Variants in DRC1 observed in about 807,000 individuals in gnomAD.
DRC1 encodes dynein regulatory complex protein 1.
DRC1 carries 74 observed loss-of-function variants against 98.7 expected under a neutral mutation model. The ratio of observed to expected loss-of-function variants is 0.75; its 90% CI spans 0.62 to 0.91. The LOEUF (loss-of-function observed/expected upper bound fraction) is 0.91. Ranked by LOEUF, DRC1 falls within the 40% of genes least tolerant of loss-of-function variation. The pLI is 0.00. For synonymous variants in DRC1, 336 were observed against 334.1 expected, an observed-to-expected ratio of 1.01 and a Z score of -0.06; for missense variants, 875 against 886.0, an observed-to-expected ratio of 0.99 and a Z score of 0.16.
intron 3 of DRC1, among the ~76,000 whole-genome samples, 189 bp from the exon 4 acceptor site, chr2:26,424,082 C>A (rs1663220327): frequency 6.6e-6 from 1 of 152,042 alleles, no homozygotes. Context: ...CTTTACTTGG[C>A]CTAAGTTATT....
intron 7 of DRC1, among the ~76,000 whole-genome samples, chr2:26,434,465 C>A (rs1663519160): frequency 6.6e-6 from 1 of 152,128 alleles, no homozygotes; most frequent in Non-Finnish European, 1.5e-5. Context: ...GGGGCTGTTA[C>A]CTTTAAAACC....
At chr2:26,438,545 C>T (rs1202509970) in intron 7 of DRC1, among the ~76,000 whole-genome samples, 1 of 152,126 alleles carries the variant, frequency 6.6e-6, no homozygotes, top group Non-Finnish European at 1.5e-5. Flanking sequence ...CTGAAGGAGA[C>T]ATTCAAATAC....
chr2:26,451,323 C>A (rs1664002524), intron 13 of DRC1, among the ~76,000 whole-genome samples: 1 of 152,164 alleles, frequency 6.6e-6, no homozygotes. Context: ...TTAACACTTT[C>A]CCGCAAGGCA....
At chr2:26,409,114 T>A (rs1320048904) in intron 1 of DRC1, among the ~76,000 whole-genome samples, 6 of 151,328 alleles carry the variant, frequency 4.0e-5, no homozygotes, top group Admixed American at 4.0e-4. Context: ...TTTTTTTTTT[T>A]AGAGATGGAG....
chr2:26,418,540 T>TTA (rs1476546453), intron 2 of DRC1, among the ~76,000 whole-genome samples: 19 of 115,038 alleles, frequency 1.7e-4, no homozygotes, highest in Non-Finnish European at 2.5e-4. Context: ...ATACAATATA[T>TTA]TATAAATTAT....
In DRC1 at chr2:26,454,837, G is replaced by A. The variant is rs1664100838; in HGVS notation, c.2063+47G>A. ...CAGGAGGGTGCTGGCGGGCAGGTGA[G>A]GAACGGTTGTTGGGAGCAGCCGCGT... On this transcript the variant is annotated intron_variant, in intron 15 of 16. Coordinates refer to ENST00000288710, the MANE Select transcript of DRC1 (RefSeq NM_145038.5). This position sits in a 1 kb window ranked among gnomAD's most constrained non-coding sequence, Gnocchi z 5.2. 14 of 1,611,750 alleles carry A rather than the reference G, an allele frequency of 8.7e-6. No individual in the cohort carries two copies. The highest frequency in any genetic ancestry group is 1.0e-5 in the Non-Finnish European group (12 of 1,178,596).
chr2:26,452,839 A>G (rs1009696579), intron 13 of DRC1, among the ~76,000 whole-genome samples: 1 of 152,190 alleles, frequency 6.6e-6, no homozygotes, highest in South Asian at 2.1e-4. Flanking sequence ...GGAGGAGTAT[A>G]TATGGAAAGG....
At chr2:26,410,677 C>T (rs1259042707) in intron 1 of DRC1, among the ~76,000 whole-genome samples, 4 of 152,130 alleles carry the variant, frequency 2.6e-5, no homozygotes, top group Non-Finnish European at 5.9e-5. Context: ...GAACATGTCT[C>T]AGACCTGAAG....
intron 8 of DRC1, among the ~76,000 whole-genome samples, chr2:26,443,680 T>A (rs1356357475): frequency 1.3e-5 from 2 of 152,264 alleles, no homozygotes; most frequent in African/African-American, 4.8e-5. Flanking sequence ...ATTTCATGTT[T>A]GTTTAATGAA....
intron 7 of DRC1, among the ~76,000 whole-genome samples, chr2:26,432,877 C>T (rs6730761): frequency 0.81 from 123,108 of 152,184 alleles, 51,465 homozygotes; most frequent in Non-Finnish European, 0.92. Flanking sequence ...ATCTAGTACA[C>T]GATAAACCCT....
At chr2:26,407,455 A>G (rs1283590663) in intron 1 of DRC1, among the ~76,000 whole-genome samples, 2 of 152,188 alleles carry the variant, frequency 1.3e-5, no homozygotes, top group Admixed American at 6.5e-5. Context: ...AAAAAATCCT[A>G]TGGCCCTTCC....
At chr2:26,429,426 G>A (rs1360964854) in intron 4 of DRC1, among the ~76,000 whole-genome samples, 14 of 151,774 alleles carry the variant, frequency 9.2e-5, no homozygotes, top group Admixed American at 8.5e-4. Flanking sequence ...CATACTACCC[G>A]GGCTGGTCTC....
chr2:26,429,670 A>T lies in DRC1; in HGVS notation c.583A>T (p.Lys195Ter). ...KDDQYVKDLKKQSDDICLLLE... is the reference protein window; with the variant it reads ...KDDQYVKDLK Reference sequence around the variant, plus strand: ...TGACCAGTATGTGAAGGATTTGAAGAAACAGTCAGATGACATCTGCCTGCT... The same window carrying T: ...TGACCAGTATGTGAAGGATTTGAAGTAACAGTCAGATGACATCTGCCTGCT... The change falls in exon 5 of 17, where the codon AAA becomes TAA. Residue 195 changes from lysine to a stop codon, truncating the protein, a stop_gained. Transcript: ENST00000288710. LOFTEE classifies it high-confidence loss of function. 1.9e-6 allele frequency: 3 copies of T among 1,614,180 alleles called. No individual in the cohort carries two copies. Among genetic ancestry groups the T allele is most frequent in the Non-Finnish European group, 2.5e-6 (3 of 1,180,024 alleles).
chr2:26,440,248 T>C (rs1203566057), intron 7 of DRC1, 130 bp from the exon 8 acceptor site: 3 of 1,191,284 alleles, frequency 2.5e-6, no homozygotes, highest in South Asian at 3.4e-5. Context: ...ATATAAAGCA[T>C]GTTCCCCAAA....
At position 26,448,739 on chromosome 2, in the gene DRC1, A is replaced by T; in HGVS notation, c.1445A>T (p.Asp482Val). The T allele has an allele frequency of 6.2e-7, 1 of 1,614,192 alleles. No individual in the cohort carries two copies. The change falls in exon 11 of 17, where the codon GAT becomes GTT. Residue 482 changes from aspartate to valine, a missense_variant. Transcript: ENST00000288710. ...EAAAEPESYL[D>V]LPKQISEKTT... ...GCCGCGGAACCAGAGTCCTACCTGG[A>T]TTTGCCGAAGCAAATTTCTGAAAAA...
chr2:26,435,015 C>T (rs907974224), intron 7 of DRC1, among the ~76,000 whole-genome samples: 1 of 152,174 alleles, frequency 6.6e-6, no homozygotes, highest in Non-Finnish European at 1.5e-5. Flanking sequence ...ACATGGAATC[C>T]TGCAGGCCCA....
At chr2:26,433,118 AG>A (rs1663481861) in intron 7 of DRC1, among the ~76,000 whole-genome samples, 1 of 152,246 alleles carries the variant, frequency 6.6e-6, no homozygotes, top group Non-Finnish European at 1.5e-5. Context: ...GTATTGAAGA[AG>A]GATTCCTGCA....
rs1678259594 is a variant in DRC1 at position 26,402,067 on chromosome 2, G to A, written c.78G>A (p.Ser26=). The A allele has an allele frequency of 6.2e-7, 1 of 1,613,340 alleles. No individual in the cohort carries two copies. The highest frequency in any genetic ancestry group is 1.3e-5 in the African/African-American group (1 of 75,032). Residue 26 remains serine, a synonymous_variant, in exon 1 of 17, where the codon TCG becomes TCA. Transcript: ENST00000288710. ...EHLSTQILAP[S]VHSDNSQERI... ...TGTCCACCCAGATTCTCGCGCCCTC[G>A]GTCCACTCCGACAACTCTCAGGAGC...
At chr2:26,453,744 C>T (rs949379370) in intron 14 of DRC1, among the ~76,000 whole-genome samples, 195 bp downstream of exon 14, 1 of 152,224 alleles carries the variant, frequency 6.6e-6, no homozygotes, top group African/African-American at 2.4e-5. Context: ...TAGTGGTGAT[C>T]TGTGCTTTTT....
Sources: gnomAD v4.1 joint callset for allele counts (sites outside exome capture counted in the v4.1 genomes callset) on GRCh38, gnomAD v4.1.1 for gene constraint, Gnocchi (gnomAD v3.1) non-coding constraint, MANE v1.5 for transcripts, NCBI Gene and HGNC (gene_info 2026-07-23, HGNC 2026-07-21) for gene names.